RGS7: variants seen among roughly 807,000 people sequenced by gnomAD.
RGS7 encodes the protein regulator of G protein signaling 7.
RGS7 carries 27 observed loss-of-function variants against 81.1 expected under a neutral mutation model. The observed-to-expected ratio is 0.33, with a 90% CI of 0.25 to 0.46. RGS7 has a LOEUF of 0.46. Among genes scored for constraint, RGS7 ranks in the 20% least tolerant of loss-of-function variants. The probability of loss-of-function intolerance (pLI) is 1.00; values close to 1 mark genes in which losing one functional copy is unlikely to be tolerated. For missense variants in RGS7, 396 were observed against 607.4 expected, an observed-to-expected ratio of 0.65 and a Z score of 3.66; for synonymous variants, 208 against 207.7, an observed-to-expected ratio of 1.00 and a Z score of -0.01.
chr1:241,283,892 C>T (rs990963084), intron 2 of RGS7, among the ~76,000 whole-genome samples: 2 of 152,188 alleles, frequency 1.3e-5, no homozygotes, highest in Non-Finnish European at 2.9e-5. Flanking sequence ...GTGCCTTCTT[C>T]ATTCCACTGA....
At chr1:241,296,220 AGAG>A (rs144454147) in intron 2 of RGS7, among the ~76,000 whole-genome samples, 2,963 of 152,214 alleles carry the variant, frequency 0.019, 106 homozygotes, top group African/African-American at 0.068. Flanking sequence ...TAAGACAGAA[AGAG>A]AAGATAGGAG....
chr1:241,083,281 A>G (rs1391474458), intron 3 of RGS7, among the ~76,000 whole-genome samples: 2 of 149,512 alleles, frequency 1.3e-5, no homozygotes, highest in African/African-American at 2.5e-5. Context: ...AACAAAACAA[A>G]ACAAGACAAA....
At chr1:241,195,541 A>C (rs1250578349) in intron 2 of RGS7, among the ~76,000 whole-genome samples, 1 of 152,206 alleles carries the variant, frequency 6.6e-6, no homozygotes, top group African/African-American at 2.4e-5. Context: ...AAAACCAGAC[A>C]GTGCAAAATT....
chr1:240,841,013 T>C (rs1187109822), intron 9 of RGS7, among the ~76,000 whole-genome samples: 2 of 152,212 alleles, frequency 1.3e-5, no homozygotes, highest in Non-Finnish European at 1.5e-5. Flanking sequence ...GGCCGACTGA[T>C]CATCACCTCT....
At chr1:241,073,421 A>T (rs2493010) in intron 3 of RGS7, among the ~76,000 whole-genome samples, 1 of 152,196 alleles carries the variant, frequency 6.6e-6, no homozygotes, top group Non-Finnish European at 1.5e-5. Context: ...TGCTCAAAAA[A>T]AAATCAGTAT....
intron 2 of RGS7, among the ~76,000 whole-genome samples, chr1:241,315,167 G>A (rs2080799491): frequency 7.6e-6 from 1 of 132,138 alleles, no homozygotes; most frequent in Admixed American, 9.4e-5. Context: ...CTGACTTGGG[G>A]CTGAGGGAGA....
chr1:241,069,101 A>G (rs1004600051), intron 3 of RGS7, among the ~76,000 whole-genome samples: 2 of 152,198 alleles, frequency 1.3e-5, no homozygotes, highest in African/African-American at 4.8e-5. Context: ...CCGTGAGCCA[A>G]TTAAATCTCT....
chr1:240,917,911 G>C (rs1359113504), intron 6 of RGS7, among the ~76,000 whole-genome samples: 1 of 152,010 alleles, frequency 6.6e-6, no homozygotes, highest in Non-Finnish European at 1.5e-5. Flanking sequence ...TAAAGGATGA[G>C]GAAAGATATG....
At chr1:241,279,753 GCTTT>G (rs1260646545) in intron 2 of RGS7, among the ~76,000 whole-genome samples, 1 of 152,048 alleles carries the variant, frequency 6.6e-6, no homozygotes, top group Non-Finnish European at 1.5e-5. Flanking sequence ...CCACTAATCT[GCTTT>G]CTGTTTCTAT....
intron 4 of RGS7, among the ~76,000 whole-genome samples, chr1:240,944,384 A>G (rs1482769977): frequency 6.8e-6 from 1 of 147,184 alleles, no homozygotes; most frequent in African/African-American, 2.5e-5. Flanking sequence ...TGCTTACTTC[A>G]TCTAAGTACA....
At chr1:240,891,820 T>C (rs1668335671) in intron 6 of RGS7, among the ~76,000 whole-genome samples, 1 of 152,258 alleles carries the variant, frequency 6.6e-6, no homozygotes, top group African/African-American at 2.4e-5. Flanking sequence ...CCATATATGT[T>C]ATCTCCTGTG....
intron 2 of RGS7, among the ~76,000 whole-genome samples, chr1:241,211,929 A>G (rs1326681082): frequency 3.3e-5 from 5 of 152,204 alleles, no homozygotes; most frequent in African/African-American, 1.2e-4. Context: ...GACAAGTTAT[A>G]CAAGTATAAA....
intron 3 of RGS7, among the ~76,000 whole-genome samples, chr1:240,987,139 A>G (rs2148574745): frequency 6.6e-6 from 1 of 152,338 alleles, no homozygotes; most frequent in East Asian, 1.9e-4. Context: ...TCTGAATTAG[A>G]GGTGCACAAA....
At chr1:241,193,622 G>C in intron 2 of RGS7, among the ~76,000 whole-genome samples, 1 of 152,288 alleles carries the variant, frequency 6.6e-6, no homozygotes, top group Middle Eastern at 3.4e-3. Context: ...TCTTCATCAT[G>C]CTTCTCCGGA....
At chr1:241,036,786 T>C (rs1572386661) in intron 3 of RGS7, among the ~76,000 whole-genome samples, 1 of 152,182 alleles carries the variant, frequency 6.6e-6, no homozygotes, top group Non-Finnish European at 1.5e-5. Flanking sequence ...TGCAGTTAGA[T>C]GGGGCCACAT....
rs35591630 is a variant in RGS7 at position 240,944,260 on chromosome 1, ATGTGTG to A, written c.227-7560_227-7555del. 9.8e-3 allele frequency among the ~76,000 whole-genome samples: 507 copies of A among 51,568 alleles called. 2 individuals carry two copies. Among genetic ancestry groups the A allele is most frequent in the African/African-American group, 0.025 (326 of 13,172 alleles). The allele number at this position is 51,568 out of a possible 152,430, so 33.8% of individuals were successfully genotyped here. A position where few individuals can be genotyped will look rare whatever the true frequency, so the allele number is the denominator to read the frequency against. The stretch of plus-strand genomic sequence containing the variant: ...CTTTAACAAGATTCTGTTATATTAT[ATGTGTG>A]TGTGTGTGTGTGTGTGTATATATAT... On this transcript the variant is annotated intron_variant, in intron 4 of 18. Transcript: ENST00000440928.
chr1:241,128,777 CAAAAAAAAAAAA>C lies in RGS7; in HGVS notation c.79-30027_79-30016del, dbSNP rs71172680. Among the ~76,000 whole-genome samples the C allele has an allele frequency of 3.5e-3, 276 of 77,964 alleles. 2 individuals carry two copies. The highest frequency in any genetic ancestry group is 0.011 in the African/African-American group (264 of 23,042). 51.1% of individuals were successfully genotyped at this position (77,964 alleles called of 152,430 possible). On this transcript the variant is annotated intron_variant, in intron 2 of 18. Coordinates refer to ENST00000440928, the MANE Select transcript of RGS7 (RefSeq NM_001364886.1). ...CTATTTGGACATGCAGAATAATAGG[CAAAAAAAAAAAA>C]AAAAAAAAAACTCTTCAGAGGAATA...
intron 3 of RGS7, among the ~76,000 whole-genome samples, chr1:241,070,467 C>T (rs1028353499): frequency 2.0e-5 from 3 of 152,186 alleles, no homozygotes; most frequent in Non-Finnish European, 4.4e-5. Flanking sequence ...AGCCTCATTG[C>T]ACGACTGCTT....
chr1:240,805,858 G>T (rs1007087931), intron 15 of RGS7, among the ~76,000 whole-genome samples: 2 of 151,994 alleles, frequency 1.3e-5, no homozygotes, highest in Admixed American at 1.3e-4. Flanking sequence ...CTCACTTACT[G>T]GGGGGACAAA....
Sources: allele counts gnomAD v4.1 joint callset (sites outside exome capture counted in the v4.1 genomes callset), GRCh38; gene constraint gnomAD v4.1.1; transcripts MANE v1.5; gene names NCBI Gene and HGNC (gene_info 2026-07-23, HGNC 2026-07-21).